The following THSD7B variants were observed in gnomAD, a reference collection of about 807,000 sequenced individuals.
THSD7B encodes the protein thrombospondin type 1 domain containing 7B.
THSD7B carries 138 observed loss-of-function variants against 213.6 expected under a neutral mutation model. The observed-to-expected ratio is 0.65, with a 90% confidence interval of 0.56 to 0.74. The LOEUF (loss-of-function observed/expected upper bound fraction) is 0.74. Ranked by LOEUF, THSD7B falls within the 30% of genes least tolerant of loss-of-function variation. THSD7B has a pLI of 0.00. For synonymous variants in THSD7B, 742 were observed against 687.0 expected (o/e 1.08, Z -1.25); for missense variants, 1,931 against 1,991.5 (o/e 0.97, Z 0.58).
intron 14 of THSD7B, among the ~76,000 whole-genome samples, chr2:137,437,788 T>A (rs1387821393): frequency 6.6e-6 from 1 of 152,198 alleles, no homozygotes. Flanking sequence ...ATAATTCTGC[T>A]TTAATTAGCA....
At chr2:137,221,348 A>C (rs1681366746) in intron 7 of THSD7B, among the ~76,000 whole-genome samples, 1 of 152,164 alleles carries the variant, frequency 6.6e-6, no homozygotes, top group Admixed American at 6.5e-5. Flanking sequence ...GATTGACTAC[A>C]GGGGGACCCC....
intron 15 of THSD7B, among the ~76,000 whole-genome samples, chr2:137,476,403 C>G (rs1230195313): frequency 6.6e-6 from 1 of 151,810 alleles, no homozygotes; most frequent in Non-Finnish European, 1.5e-5. Flanking sequence ...GGACCAATGT[C>G]CTGAAGTGTT....
chr2:137,677,638 T>A lies in THSD7B; in HGVS notation c.*1033T>A, dbSNP rs1235509968. On this transcript the variant is annotated 3_prime_UTR_variant, in exon 28 of 28. Transcript: ENST00000409968. ...ATTTTATGAAGATAATTGTTTGTAA[T>A]CATAGGTGTTGAAAGTAAAAAGGTG... The A allele has an allele frequency of 6.6e-6, 1 of 152,628 alleles. No individual in the cohort carries two copies. Among genetic ancestry groups the A allele is most frequent in the African/African-American group, 2.4e-5 (1 of 41,458 alleles). The allele number at this position is 152,628 out of a possible 1,614,324, so 9.5% of individuals were successfully genotyped here. A position where few individuals can be genotyped will look rare whatever the true frequency, so the allele number is the denominator to read the frequency against.
intron 12 of THSD7B, among the ~76,000 whole-genome samples, chr2:137,382,949 T>C (rs1252051232): frequency 6.6e-6 from 1 of 152,142 alleles, no homozygotes; most frequent in Non-Finnish European, 1.5e-5. Flanking sequence ...TGACACCATA[T>C]GGTTTGATAG....
intron 15 of THSD7B, among the ~76,000 whole-genome samples, chr2:137,529,248 C>A (rs1302411473): frequency 6.6e-6 from 1 of 151,900 alleles, no homozygotes; most frequent in Non-Finnish European, 1.5e-5. Flanking sequence ...TAATGAGGTA[C>A]TCTGTGGATA....
chr2:137,450,867 C>T lies in THSD7B; in HGVS notation c.2982C>T (p.Val994=), dbSNP rs1452228235. 4 of 1,606,862 alleles carry T rather than the reference C, an allele frequency of 2.5e-6. No individual in the cohort carries two copies. The highest frequency in any genetic ancestry group is 3.4e-6 in the Non-Finnish European group (4 of 1,177,148). Residue 994 remains valine, a synonymous_variant, in exon 15 of 28, where the codon GTC becomes GTT. Coordinates refer to ENST00000409968, the MANE Select transcript of THSD7B (RefSeq NM_001316349.2). ...CAGGTTACATTCAAGAAAAATGTGT[C>T]ATTCCCTGCCCATTTGATTGCAAGT... The part of the protein sequence containing the change: ...SSSGYIQEKC[V]IPCPFDCKLS...
intron 12 of THSD7B, among the ~76,000 whole-genome samples, chr2:137,345,974 G>A (rs1295605035): frequency 6.6e-6 from 1 of 151,584 alleles, no homozygotes; most frequent in Non-Finnish European, 1.5e-5. Context: ...TGTGGTGGGG[G>A]AATAGGGGAG....
chr2:137,421,147 A>G (rs1168067607), intron 14 of THSD7B, among the ~76,000 whole-genome samples: 1 of 152,194 alleles, frequency 6.6e-6, no homozygotes, highest in African/African-American at 2.4e-5. Context: ...TCCTCTGCCC[A>G]CACACCAACA....
At chr2:137,094,432 A>G (rs1355054040) in intron 3 of THSD7B, among the ~76,000 whole-genome samples, 1 of 152,130 alleles carries the variant, frequency 6.6e-6, no homozygotes, top group African/African-American at 2.4e-5. Context: ...TTAGCTGGGC[A>G]TGGTGGTGTG....
intron 10 of THSD7B, among the ~76,000 whole-genome samples, chr2:137,270,632 C>A (rs1682710733): frequency 6.6e-6 from 1 of 152,068 alleles, no homozygotes; most frequent in Admixed American, 6.6e-5. Flanking sequence ...GGAGCCATGA[C>A]CTAATGTAGC....
chr2:137,147,581 G>A (rs1436678233), intron 5 of THSD7B, among the ~76,000 whole-genome samples: 1 of 151,644 alleles, frequency 6.6e-6, no homozygotes, highest in East Asian at 1.9e-4. Flanking sequence ...TGGAGTTTGT[G>A]GTGGTGTTTT....
intron 1 of THSD7B, among the ~76,000 whole-genome samples, chr2:136,796,980 TCACACACACACACACACA>T (rs58116447): frequency 6.8e-6 from 1 of 146,838 alleles, no homozygotes; most frequent in African/African-American, 2.5e-5. Flanking sequence ...TCATATTTGA[TCACACACACACACACACA>T]CACACACACA....
At chr2:137,124,794 A>G (rs1688604631) in intron 5 of THSD7B, among the ~76,000 whole-genome samples, 1 of 152,186 alleles carries the variant, frequency 6.6e-6, no homozygotes, top group Non-Finnish European at 1.5e-5. Context: ...GTAGGCATGT[A>G]TGTGAAATGA....
chr2:137,056,389 G>C (rs753380507), intron 2 of THSD7B, 31 bp from the exon 3 acceptor site: 1 of 1,578,644 alleles, frequency 6.3e-7, no homozygotes, highest in South Asian at 1.2e-5. Flanking sequence ...TAATCTCTGA[G>C]TAATTAACAT....
intron 2 of THSD7B, among the ~76,000 whole-genome samples, chr2:136,958,165 G>A (rs1685157330): frequency 6.6e-6 from 1 of 152,128 alleles, no homozygotes; most frequent in Admixed American, 6.6e-5. Flanking sequence ...AGGACTTTTT[G>A]AAGCTTATCA....
chr2:137,297,938 C>T (rs531749742), intron 12 of THSD7B, among the ~76,000 whole-genome samples: 2 of 152,162 alleles, frequency 1.3e-5, no homozygotes, highest in East Asian at 3.9e-4. Context: ...TGAAAATGGA[C>T]TAATACAGTT....
At chr2:137,506,676 T>A (rs1679842898) in intron 15 of THSD7B, among the ~76,000 whole-genome samples, 1 of 152,236 alleles carries the variant, frequency 6.6e-6, no homozygotes, top group Non-Finnish European at 1.5e-5. Flanking sequence ...GTGGACATTC[T>A]TCTCTTCAGC....
chr2:137,230,902 G>A (rs925671034), intron 7 of THSD7B, 142 bp from the exon 8 acceptor site: 3 of 752,612 alleles, frequency 4.0e-6, no homozygotes, highest in Non-Finnish European at 6.3e-6. Flanking sequence ...ATTATCTCCT[G>A]GCAGTTTTTT....
In THSD7B at chr2:136,857,545, A is replaced by G. The variant is rs78333442; in HGVS notation, c.-35-24599A>G. Among the ~76,000 whole-genome samples the G allele has an allele frequency of 2.1e-3, 322 of 152,360 alleles. 1 individual carries two copies. Among genetic ancestry groups the G allele is most frequent in the Non-Finnish European group, 3.2e-3 (216 of 68,038 alleles). ...TTTGGATCTATCTTATTCAATGTCT[A>G]TAATGTGGTTCTATAGCTATGTAAA... On this transcript the variant is annotated intron_variant, in intron 1 of 27. Transcript: ENST00000409968.
Sources: allele counts gnomAD v4.1 joint callset (sites outside exome capture counted in the v4.1 genomes callset), GRCh38; gene constraint gnomAD v4.1.1; transcripts MANE v1.5; gene names NCBI Gene and HGNC (gene_info 2026-07-23, HGNC 2026-07-21).